Variants in CADM2 observed in about 807,000 individuals in gnomAD.
CADM2 encodes the protein immunoglobulin superfamily member 4D.
CADM2 carries 12 observed loss-of-function variants against 49.8 expected under a neutral mutation model. The observed-to-expected ratio is 0.24, with a 90% CI of 0.15 to 0.39. The LOEUF is 0.39. Ranked by LOEUF, CADM2 falls within the 10% of genes least tolerant of loss-of-function variation. The probability of loss-of-function intolerance (pLI) is 1.00; values close to 1 mark genes in which losing one functional copy is unlikely to be tolerated. For missense variants in CADM2, 378 were observed against 492.3 expected, an observed-to-expected ratio of 0.77 and a Z score of 2.20; for synonymous variants, 214 against 175.4, an observed-to-expected ratio of 1.22 and a Z score of -1.74.
intron 1 of CADM2, among the ~76,000 whole-genome samples, chr3:85,480,481 A>G (rs2039166406): frequency 6.6e-6 from 1 of 151,848 alleles, no homozygotes; most frequent in South Asian, 2.1e-4. Context: ...CTCAGGCGTT[A>G]GTAAAAGGGG....
chr3:85,882,897 G>A (rs1365234477), intron 3 of CADM2, among the ~76,000 whole-genome samples: 1 of 152,082 alleles, frequency 6.6e-6, no homozygotes, highest in Non-Finnish European at 1.5e-5. Context: ...AAGTCCTGCA[G>A]CAGTCACAGT....
chr3:85,107,631 T>TTCTTTTTCTTTCTTTC (rs58177574), intron 1 of CADM2, among the ~76,000 whole-genome samples: 18 of 137,944 alleles, frequency 1.3e-4, no homozygotes, highest in African/African-American at 4.4e-4. Context: ...CTTTCTTTCT[T>TTCTTTTTCTTTCTTTC]TTTCTTTCTT....
At position 85,726,837 on chromosome 3, in the gene CADM2, G is replaced by A. The variant is rs769882075; in HGVS notation, c.88+289G>A. Among the ~76,000 whole-genome samples the A allele has an allele frequency of 9.5e-4, 145 of 152,016 alleles. 5 individuals carry two copies. The Middle Eastern group carries it at 0.027, about 29-fold the overall frequency. On this transcript the variant is annotated intron_variant, in intron 2 of 9. Coordinates refer to ENST00000383699, the MANE Select transcript of CADM2 (RefSeq NM_001167675.2). The stretch of plus-strand genomic sequence containing the variant: ...TTTTTTGCACTAACATTTTGCATGC[G>A]TACCTTAGTTTCCTTGATAAAATTG...
rs1185321717 is a variant in CADM2, at chr3:85,101,775, A to G, written c.61+142107A>G. ...CATATTTAATGTTTACTTTAATTGG[A>G]AAATTTTAATTATAGAATGCTGAGG... On this transcript the variant is annotated intron_variant, in intron 1 of 9. Coordinates refer to ENST00000383699, the MANE Select transcript of CADM2 (RefSeq NM_001167675.2). Among the ~76,000 whole-genome samples the G allele has an allele frequency of 2.0e-5, 3 of 152,226 alleles. No homozygotes were observed. In the East Asian group the frequency reaches 5.8e-4, roughly 29 times the overall value.
chr3:85,336,093 T>G (rs566641644), intron 1 of CADM2, among the ~76,000 whole-genome samples: 1 of 151,612 alleles, frequency 6.6e-6, no homozygotes, highest in East Asian at 1.9e-4. Flanking sequence ...CTAAACATTA[T>G]TTTATAAGCT....
chr3:85,234,841 G>C (rs369109644), intron 1 of CADM2, among the ~76,000 whole-genome samples: 2 of 152,122 alleles, frequency 1.3e-5, no homozygotes, highest in African/African-American at 4.8e-5. Flanking sequence ...TCCATGGATG[G>C]AGAGTGAGGT....
chr3:85,760,844 T>C (rs1300852886), intron 2 of CADM2, among the ~76,000 whole-genome samples: 1 of 152,214 alleles, frequency 6.6e-6, no homozygotes, highest in Non-Finnish European at 1.5e-5. Flanking sequence ...CAAATTTCTT[T>C]AAAATATTGT....
At chr3:85,778,986 A>G (rs1191816230) in intron 2 of CADM2, among the ~76,000 whole-genome samples, 1 of 152,210 alleles carries the variant, frequency 6.6e-6, no homozygotes, top group African/African-American at 2.4e-5. Flanking sequence ...GTGACAGCAT[A>G]TGCTTTCTTT....
chr3:85,093,539 G>A (rs1265204251), intron 1 of CADM2, among the ~76,000 whole-genome samples: 3 of 151,406 alleles, frequency 2.0e-5, no homozygotes, highest in Non-Finnish European at 4.4e-5. Context: ...CATACTGATT[G>A]TTAAATTTTA....
intron 1 of CADM2, among the ~76,000 whole-genome samples, chr3:85,656,576 A>T (rs1332239243): frequency 6.6e-6 from 1 of 152,152 alleles, no homozygotes; most frequent in East Asian, 1.9e-4. Flanking sequence ...AGATTGCACC[A>T]TTGCACTCCA....
intron 8 of CADM2, among the ~76,000 whole-genome samples, chr3:86,035,982 T>G (rs1451387202): frequency 1.3e-5 from 2 of 152,048 alleles, no homozygotes; most frequent in Non-Finnish European, 2.9e-5. Flanking sequence ...AACTCTTGTG[T>G]CTCTTCTGTT....
chr3:85,877,957 G>GT (rs1215862119), intron 3 of CADM2, among the ~76,000 whole-genome samples: 1 of 151,980 alleles, frequency 6.6e-6, no homozygotes, highest in East Asian at 1.9e-4. Context: ...ACTGTTAAAT[G>GT]TTTTTTCCTT....
intron 2 of CADM2, among the ~76,000 whole-genome samples, chr3:85,781,550 G>A (rs549172263): frequency 1.9e-4 from 29 of 152,232 alleles, no homozygotes; most frequent in African/African-American, 6.7e-4. Context: ...AAGAGAGAAT[G>A]TAGAAAATGA....
chr3:85,937,706 T>C (rs1410738401), intron 7 of CADM2, among the ~76,000 whole-genome samples: 1 of 152,008 alleles, frequency 6.6e-6, no homozygotes, highest in Non-Finnish European at 1.5e-5. Flanking sequence ...TATGTTTCAC[T>C]GTTGCCATCC....
At chr3:85,541,914 A>T (rs1394669089) in intron 1 of CADM2, among the ~76,000 whole-genome samples, 1 of 151,328 alleles carries the variant, frequency 6.6e-6, no homozygotes, top group Non-Finnish European at 1.5e-5. Flanking sequence ...CATGGAGTAT[A>T]CACTGTGTTT....
In CADM2 at chr3:85,359,667, T is replaced by TATA. The variant is rs1491224693; in HGVS notation, c.62-366855_62-366854insATA. Reference sequence around the variant, plus strand: ...ATATATATATATATATATATATATATTTTTTTTTTTGGTGGAGGGGAGAAG... The same window carrying TATA: ...ATATATATATATATATATATATATATATATTTTTTTTTTGGTGGAGGGGAGAAG... On this transcript the variant is annotated intron_variant, in intron 1 of 9. Transcript: ENST00000383699. Among the ~76,000 whole-genome samples, 12 of 16,502 alleles carry TATA rather than the reference T, an allele frequency of 7.3e-4. 1 individual carries two copies. The highest frequency in any genetic ancestry group is 2.2e-3 in the African/African-American group (12 of 5,394). The allele number at this position is 16,502 out of a possible 152,430, so 10.8% of individuals were successfully genotyped here.
chr3:85,819,791 GCTT>G, intron 3 of CADM2, among the ~76,000 whole-genome samples: 1 of 152,038 alleles, frequency 6.6e-6, no homozygotes, highest in African/African-American at 2.4e-5. Flanking sequence ...TTTTCTAGGC[GCTT>G]GAGATTTATC....
intron 1 of CADM2, among the ~76,000 whole-genome samples, chr3:85,431,457 G>T (rs1378726298): frequency 6.6e-6 from 1 of 152,024 alleles, no homozygotes; most frequent in African/African-American, 2.4e-5. Context: ...CCTATCTTTA[G>T]GGTTTTCAGG....
At position 86,071,132 on chromosome 3, in the gene CADM2, T is replaced by G. The variant is rs906224672; in HGVS notation, c.*4349T>G. On this transcript the variant is annotated 3_prime_UTR_variant, in exon 10 of 10. Coordinates refer to ENST00000383699, the MANE Select transcript of CADM2 (RefSeq NM_001167675.2). ...TTTGGTGTTATTGCAGAGAAAGAAA[T>G]AACCTGAGTTTTAAATTTCGATTCA... 2 of 151,886 alleles carry G rather than the reference T, an allele frequency of 1.3e-5. No homozygotes were observed. Among genetic ancestry groups the G allele is most frequent in the African/African-American group, 2.4e-5 (1 of 41,410 alleles). 9.4% of individuals were successfully genotyped at this position (151,886 alleles called of 1,614,324 possible). A position where few individuals can be genotyped will look rare whatever the true frequency, so the allele number is the denominator to read the frequency against.
Sources: gnomAD v4.1 joint callset for allele counts (sites outside exome capture counted in the v4.1 genomes callset) on GRCh38, gnomAD v4.1.1 for gene constraint, MANE v1.5 for transcripts, NCBI Gene and HGNC (gene_info 2026-07-23, HGNC 2026-07-21) for gene names.